HYAL1: variants seen among roughly 807,000 people sequenced by gnomAD.
HYAL1 encodes hyaluronidase-1.
HYAL1 carries 21 observed loss-of-function variants against 28.8 expected under a neutral mutation model. The observed-to-expected ratio is 0.73, with a 90% confidence interval of 0.52 to 1.05. HYAL1 has a LOEUF of 1.05. HYAL1 is among the 50% of genes least tolerant of loss of function. The pLI, the probability that HYAL1 is intolerant of heterozygous loss-of-function variation, is 0.00. For synonymous variants in HYAL1, 200 were observed against 230.1 expected (o/e 0.87, Z 1.18); for missense variants, 491 against 579.2 (o/e 0.85, Z 1.56).
In HYAL1 at chr3:50,302,204, C is replaced by CCCTCCT; in HGVS notation, c.752_753insAGGAGG (p.Val251_Leu252insGlyGly). ...TCTGTGACTTCCCTGTGCCCTCCAG[C>CCCTCCT]ACTGCGGGCATGTAGATGCTGGGAT... On this transcript the variant is annotated inframe_insertion, in exon 2 of 4. Coordinates refer to ENST00000395144, the MANE Select transcript of HYAL1 (RefSeq NM_033159.4). The surrounding 1 kb of genome is among the most constrained non-coding windows in gnomAD (Gnocchi z 5.0). 6.2e-7 allele frequency: 1 copy of CCCTCCT among 1,614,168 alleles called. No homozygotes were observed. The highest frequency in any genetic ancestry group is 8.5e-7 in the Non-Finnish European group (1 of 1,180,044).
chr3:50,301,103 T>C lies in HYAL1; in HGVS notation c.901-26A>G, dbSNP rs781940573. On this transcript the variant is annotated intron_variant, in intron 2 of 3. Transcript: ENST00000395144. ...CTGGGAAGGAGACAGCACAGCTCTG[T>C]GGGGCCTCCTTCCCACCATGTGGCA... 4.1e-6 allele frequency: 6 copies of C among 1,477,210 alleles called. No homozygotes were observed. In the South Asian group the frequency reaches 6.8e-5, roughly 17 times the overall value. The allele number at this position is 1,477,210 out of a possible 1,614,324, so 91.5% of individuals were successfully genotyped here. A position where few individuals can be genotyped will look rare whatever the true frequency, so the allele number is the denominator to read the frequency against.
At chr3:50,307,865 G>A (rs587707740), upstream of HYAL1, among the ~76,000 whole-genome samples, 107 of 144,596 alleles carry the variant, frequency 7.4e-4, 2 homozygotes, top group African/African-American at 2.7e-3. Context: ...GCGCAATCTC[G>A]GCTCACTGCA....
At chr3:50,303,994 T>TG (rs1216758704), upstream of HYAL1, 2 of 151,860 alleles carry the variant, frequency 1.3e-5, no homozygotes, top group African/African-American at 4.8e-5. Flanking sequence ...GCATGCCAGG[T>TG]GCGGAGGCTC....
At chr3:50,301,261 C>T (rs1161835991) in intron 2 of HYAL1, among the ~76,000 whole-genome samples, 184 bp from the exon 3 acceptor site, 1 of 152,332 alleles carries the variant, frequency 6.6e-6, no homozygotes, top group South Asian at 2.1e-4. Flanking sequence ...CTACATCATT[C>T]CAATAAATGT....
intron 3 of HYAL1, 56 bp from the exon 4 acceptor site, chr3:50,300,856 C>G (rs782454743): frequency 6.3e-7 from 1 of 1,580,802 alleles, no homozygotes; most frequent in African/African-American, 1.3e-5. Context: ...TGGACCCACC[C>G]AGGGCACTGA....
upstream of HYAL1, among the ~76,000 whole-genome samples, chr3:50,307,452 G>A (rs587620105): frequency 2.0e-5 from 3 of 150,486 alleles, no homozygotes; most frequent in African/African-American, 7.5e-5. Context: ...AGGCCGAGGC[G>A]GGCGGATCAC....
chr3:50,301,680 C>T (rs1702166506), intron 2 of HYAL1, among the ~76,000 whole-genome samples: 4 of 150,098 alleles, frequency 2.7e-5, no homozygotes, highest in South Asian at 2.1e-4. Context: ...GGGCCGGGCG[C>T]GGTGGCTCAC....
chr3:50,307,692 A>C (rs1209297839), upstream of HYAL1, among the ~76,000 whole-genome samples: 1 of 149,894 alleles, frequency 6.7e-6, no homozygotes, highest in Non-Finnish European at 1.5e-5. Context: ...AAAAAAAAAA[A>C]AAAAAAAAAA....
intron 1 of HYAL1, among the ~76,000 whole-genome samples, chr3:50,311,610 C>A (rs1461299880): frequency 2.2e-5 from 3 of 133,354 alleles, no homozygotes; most frequent in African/African-American, 8.7e-5. Context: ...GGCGGCTGGC[C>A]GGGCGGGGGG....
upstream of HYAL1, among the ~76,000 whole-genome samples, chr3:50,307,471 G>C (rs1473845193): frequency 1.3e-5 from 2 of 150,600 alleles, no homozygotes; most frequent in African/African-American, 2.5e-5. Flanking sequence ...ACAAGGTCAG[G>C]AGATCAAGAC....
At position 50,300,483 on chromosome 3, in the gene HYAL1, T is replaced by TCACC; in HGVS notation, c.1304_1307dup (p.Ter436TrpfsTer12). 1 of 1,614,134 alleles carries TCACC rather than the reference T, an allele frequency of 6.2e-7. No homozygotes were observed. Among genetic ancestry groups the TCACC allele is most frequent in the Non-Finnish European group, 8.5e-7 (1 of 1,180,024 alleles). ...TATGTGCAACTCAGTGTGTGGCCAA[T>TCACC]CACCACATGCTCTTCCGCTCACACC... On this transcript the variant is annotated frameshift_variant and stop_lost, in exon 4 of 4. Coordinates refer to ENST00000395144, the MANE Select transcript of HYAL1 (RefSeq NM_033159.4). LOFTEE classifies it high-confidence loss of function.
At chr3:50,311,253 GC>G (rs1245655529) in intron 1 of HYAL1, among the ~76,000 whole-genome samples, 2 of 1,172 alleles carry the variant, frequency 1.7e-3, no homozygotes, top group Non-Finnish European at 4.1e-3. Context: ...CTCCCTCCCG[GC>G]CGGGGCGGGG....
chr3:50,308,862 C>T (rs954582478), intron 2 of HYAL1, among the ~76,000 whole-genome samples: 17 of 150,332 alleles, frequency 1.1e-4, no homozygotes, highest in African/African-American at 4.2e-4. Flanking sequence ...TCCCGAGTAG[C>T]TGGGATTACA....
In HYAL1 at chr3:50,302,664, T is replaced by G; in HGVS notation, c.293A>C (p.Gln98Pro). Residue 98 changes from glutamine (Q) to proline (P), a missense_variant, in exon 2 of 4, where the codon CAG becomes CCG. Physicochemically the swap from Gln to Pro is moderately conservative, Grantham distance 76 (BLOSUM62 -1). Transcript: ENST00000395144. The surrounding 1 kb of genome is among the most constrained non-coding windows in gnomAD (Gnocchi z 5.0). ...CAGGTGGGCAATCAGGCTGGCATTC[T>G]GGGGCAGACCACCAAACACAGGCTC... is the stretch of plus-strand genomic sequence containing the variant. ...TGEPVFGGLP[Q>P]NASLIAHLAR... 6 of 1,614,122 alleles carry G rather than the reference T, an allele frequency of 3.7e-6. No homozygotes were observed. The highest frequency in any genetic ancestry group is 5.1e-6 in the Non-Finnish European group (6 of 1,180,026).
chr3:50,310,031 CT>C (rs1702415131), intron 1 of HYAL1, among the ~76,000 whole-genome samples: 1 of 151,360 alleles, frequency 6.6e-6, no homozygotes, highest in Non-Finnish European at 1.5e-5. Flanking sequence ...CATGATTTGT[CT>C]TTAGTAAAAT....
chr3:50,300,583 G>A lies in HYAL1; in HGVS notation c.1208C>T (p.Ala403Val). ...PGGGPLSLRG[A>V]LSLEDQAQMA... ...CTGTGCCTGATCTTCAAGTGAGAGG[G>A]CACCCCGCAGGCTCAGGGGCCCACC... Residue 403 changes from alanine to valine, a missense_variant, in exon 4 of 4, where the codon GCC becomes GTC. Physicochemically the swap from Ala to Val is moderately conservative, Grantham distance 64. Coordinates refer to ENST00000395144, the MANE Select transcript of HYAL1 (RefSeq NM_033159.4). 10 of 1,614,208 alleles carry A rather than the reference G, an allele frequency of 6.2e-6. No homozygotes were observed. Among genetic ancestry groups the A allele is most frequent in the Non-Finnish European group, 8.5e-6 (10 of 1,180,028 alleles).
At chr3:50,311,603 G>A (rs1575524889) in intron 1 of HYAL1, among the ~76,000 whole-genome samples, 5 of 137,780 alleles carry the variant, frequency 3.6e-5, no homozygotes, top group African/African-American at 8.3e-5. Flanking sequence ...CGGACGGGGC[G>A]GCTGGCCGGG....
Position 50,300,233 on chromosome 3 carries a change from T to C in HYAL1, c.*250A>G, listed in dbSNP as rs1702062859. Reference sequence around the variant, plus strand: ...GACTGGCTCAGTGTCTCTGGAGGAATTGTCTATGACCTTGCCAAGTAGATG... The same window carrying C: ...GACTGGCTCAGTGTCTCTGGAGGAACTGTCTATGACCTTGCCAAGTAGATG... On this transcript the variant is annotated 3_prime_UTR_variant, in exon 4 of 4. Transcript: ENST00000395144. 1.9e-6 allele frequency: 1 copy of C among 540,350 alleles called. No homozygotes were observed. The allele number at this position is 540,350 out of a possible 1,614,324, so 33.5% of individuals were successfully genotyped here.
intron 3 of HYAL1, 85 bp downstream of exon 3, chr3:50,300,903 A>G (rs1702116039): frequency 1.7e-5 from 25 of 1,507,746 alleles, no homozygotes; most frequent in Non-Finnish European, 2.2e-5. Context: ...CTTTGCAGGT[A>G]GAAAGGGTAA....
Sources: allele counts gnomAD v4.1 joint callset (sites outside exome capture counted in the v4.1 genomes callset), GRCh38; gene constraint gnomAD v4.1.1; non-coding constraint Gnocchi (gnomAD v3.1); transcripts MANE v1.5; gene names NCBI Gene and HGNC (gene_info 2026-07-23, HGNC 2026-07-21).